TMEM131: variants seen among roughly 807,000 people sequenced by gnomAD.
TMEM131 encodes 2610524E03Rik.
A neutral mutation model predicts 211.6 loss-of-function variants in TMEM131; 66 were observed. The observed-to-expected ratio is 0.31, with a 90% confidence interval of 0.26 to 0.38. TMEM131 has a LOEUF of 0.38. Among genes scored for constraint, TMEM131 ranks in the 10% least tolerant of loss-of-function variants. TMEM131 has a pLI of 1.00. For synonymous variants in TMEM131, 844 were observed against 841.3 expected (o/e 1.00, Z -0.06); for missense variants, 2,036 against 2,299.3 (o/e 0.89, Z 2.34).
At chr2:97,833,502 T>C in intron 10 of TMEM131, 76 bp from the exon 11 acceptor site, 2 of 675,966 alleles carry the variant, frequency 3.0e-6, no homozygotes, top group East Asian at 3.0e-5. Flanking sequence ...CCTTATAAGA[T>C]ATCAAATTGA....
chr2:97,975,685 C>T (rs563734060), intron 1 of TMEM131, among the ~76,000 whole-genome samples: 107 of 151,878 alleles, frequency 7.0e-4, no homozygotes, highest in Non-Finnish European at 9.4e-4. Context: ...ATTCTTACCA[C>T]ATATTTATGG....
At chr2:97,838,678 C>T (rs1224845843) in intron 7 of TMEM131, among the ~76,000 whole-genome samples, 5 of 151,890 alleles carry the variant, frequency 3.3e-5, no homozygotes, top group South Asian at 2.1e-4. Flanking sequence ...CTCCTGACCT[C>T]GTCATCCACC....
At chr2:97,882,574 C>CTT (rs1308189521) in intron 4 of TMEM131, among the ~76,000 whole-genome samples, 1 of 152,246 alleles carries the variant, frequency 6.6e-6, no homozygotes, top group South Asian at 2.1e-4. Flanking sequence ...GGATACTTAT[C>CTT]TGTGGACAAG....
chr2:97,840,642 T>A (rs566743754), intron 7 of TMEM131, among the ~76,000 whole-genome samples: 1 of 152,246 alleles, frequency 6.6e-6, no homozygotes, highest in African/African-American at 2.4e-5. Context: ...CTACATAGAT[T>A]TGTAATAACA....
Position 97,757,038 on chromosome 2 carries a change from A to C in TMEM131, c.*61T>G. ...AGTAAGAGCCTTAAAAAGATGTCTCAGAAACTGGCACATCATGATCTAGAC... is the reference window on the plus strand; with the variant it reads ...AGTAAGAGCCTTAAAAAGATGTCTCCGAAACTGGCACATCATGATCTAGAC... On this transcript the variant is annotated 3_prime_UTR_variant, in exon 41 of 41. Transcript: ENST00000186436. 1 of 1,495,384 alleles carries C rather than the reference A, an allele frequency of 6.7e-7. No individual in the cohort carries two copies. The highest frequency in any genetic ancestry group is 8.9e-7 in the Non-Finnish European group (1 of 1,120,694). The allele number at this position is 1,495,384 out of a possible 1,614,324, so 92.6% of individuals were successfully genotyped here.
At chr2:97,889,586 AATGTAATATATATTCCTAT>A (rs1335452740) in intron 3 of TMEM131, among the ~76,000 whole-genome samples, 8 of 148,744 alleles carry the variant, frequency 5.4e-5, no homozygotes, top group Non-Finnish European at 1.0e-4. Flanking sequence ...ATATTCCTAT[AATGTAATATATATTCCTAT>A]ATATAATATA....
intron 2 of TMEM131, among the ~76,000 whole-genome samples, chr2:97,924,212 T>A (rs1195429126): frequency 2.0e-5 from 3 of 151,872 alleles, no homozygotes; most frequent in African/African-American, 7.3e-5. Context: ...TAGACCTCTG[T>A]CTCTATAAAA....
intron 31 of TMEM131, among the ~76,000 whole-genome samples, chr2:97,784,426 A>C (rs1345293840): frequency 2.6e-5 from 4 of 152,150 alleles, no homozygotes; most frequent in Non-Finnish European, 5.9e-5. Flanking sequence ...AAGTGGATTC[A>C]AAGTAGAAAG....
rs532030569 is a variant in TMEM131, at chr2:97,977,183, TA to T, written c.187+18292del. Reference sequence around the variant, plus strand: ...AATTGGTAAAGTTGATTCAATCAATTAAAAACTTCTGCTCTTCAAAAGACTG... The same window carrying T: ...AATTGGTAAAGTTGATTCAATCAATTAAAACTTCTGCTCTTCAAAAGACTG... On this transcript the variant is annotated intron_variant, in intron 1 of 40. Transcript: ENST00000186436. Among the ~76,000 whole-genome samples, 97 of 152,270 alleles carry T rather than the reference TA, an allele frequency of 6.4e-4. 1 individual carries two copies. The highest frequency in any genetic ancestry group is 2.3e-3 in the African/African-American group (94 of 41,560).
At chr2:97,814,426 T>C (rs138324719) in intron 13 of TMEM131, 38 bp from the exon 14 acceptor site, 47 of 1,514,830 alleles carry the variant, frequency 3.1e-5, no homozygotes, top group Non-Finnish European at 3.9e-5. Context: ...TAAATCATTT[T>C]TATTTCCATG....
chr2:97,835,883 C>T (rs1682919390), intron 8 of TMEM131, among the ~76,000 whole-genome samples: 1 of 152,108 alleles, frequency 6.6e-6, no homozygotes, highest in South Asian at 2.1e-4. Flanking sequence ...TTTTTTGCAG[C>T]CACTAGGACT....
At chr2:97,911,627 G>A (rs1559442429) in intron 2 of TMEM131, 20 of 985,146 alleles carry the variant, frequency 2.0e-5, no homozygotes, top group Non-Finnish European at 2.0e-5. Flanking sequence ...TCACAAATGA[G>A]GAAGCTGTCT....
intron 3 of TMEM131, among the ~76,000 whole-genome samples, chr2:97,894,671 G>C (rs1013350248): frequency 3.3e-5 from 5 of 152,092 alleles, no homozygotes; most frequent in Non-Finnish European, 5.9e-5. Context: ...CTCATGATTT[G>C]GCTGTCTGTT....
intron 1 of TMEM131, among the ~76,000 whole-genome samples, chr2:97,971,546 A>T (rs1159981228): frequency 1.3e-5 from 2 of 152,260 alleles, no homozygotes; most frequent in Non-Finnish European, 2.9e-5. Context: ...TTTGTGAAAT[A>T]ATCCATAAAG....
chr2:97,839,699 G>A (rs972423915), intron 7 of TMEM131, among the ~76,000 whole-genome samples: 2 of 152,240 alleles, frequency 1.3e-5, no homozygotes, highest in African/African-American at 4.8e-5. Flanking sequence ...GGCTTGGACT[G>A]CAACTATGCT....
intron 1 of TMEM131, among the ~76,000 whole-genome samples, chr2:97,975,813 A>G (rs76000559): frequency 3.6e-5 from 2 of 55,164 alleles, no homozygotes; most frequent in Non-Finnish European, 9.0e-5. Flanking sequence ...TATTACAAGA[A>G]AAAAAAAAAA....
At chr2:97,869,632 AG>A (rs1172276142) in intron 4 of TMEM131, among the ~76,000 whole-genome samples, 3 of 152,200 alleles carry the variant, frequency 2.0e-5, no homozygotes, top group Non-Finnish European at 4.4e-5. Context: ...TCCACACCAC[AG>A]GAAGCAAAGG....
At chr2:97,991,121 A>C (rs535857651) in intron 1 of TMEM131, among the ~76,000 whole-genome samples, 1 of 152,236 alleles carries the variant, frequency 6.6e-6, no homozygotes, top group South Asian at 2.1e-4. Flanking sequence ...TATTACAATG[A>C]AAGTTTAGGC....
Position 97,895,600 on chromosome 2 carries a change from G to A in TMEM131, c.291-7480C>T, listed in dbSNP as rs1675575380. Reference sequence around the variant, plus strand: ...CTCCTTCCTGATTTAGACTTAGGAGGGTGTATGTGTCCAAGAATTTATCCA... The same window carrying A: ...CTCCTTCCTGATTTAGACTTAGGAGAGTGTATGTGTCCAAGAATTTATCCA... On this transcript the variant is annotated intron_variant, in intron 3 of 40. Transcript: ENST00000186436. 2.0e-5 allele frequency among the ~76,000 whole-genome samples: 3 copies of A among 151,978 alleles called. No individual in the cohort carries two copies. In the South Asian group the frequency reaches 6.2e-4, roughly 32 times the overall value.
Sources: gnomAD v4.1 joint callset for allele counts (sites outside exome capture counted in the v4.1 genomes callset) on GRCh38, gnomAD v4.1.1 for gene constraint, MANE v1.5 for transcripts, NCBI Gene and HGNC (gene_info 2026-07-23, HGNC 2026-07-21) for gene names.